The following NDUFA10 variants were observed in gnomAD, a reference collection of about 807,000 sequenced individuals.
NDUFA10 encodes NADH:ubiquinone oxidoreductase subunit A10, also known as NADH dehydrogenase [ubiquinone] 1 alpha subcomplex subunit 10, mitochondrial.
Under a neutral mutation model 47.8 loss-of-function variants are expected in NDUFA10, and 40 were observed. The ratio of observed to expected loss-of-function variants is 0.84; its 90% CI spans 0.65 to 1.09. NDUFA10 has a LOEUF of 1.09. NDUFA10 is among the 50% of genes least tolerant of loss of function. NDUFA10 has a pLI of 0.00. For synonymous variants in NDUFA10, 183 were observed against 172.2 expected (o/e 1.06, Z -0.49); for missense variants, 413 against 451.1 (o/e 0.92, Z 0.76).
In NDUFA10 at chr2:239,945,488, C is replaced by A. The variant is rs1694435132; in HGVS notation, c.294+44586G>T. ...GCGGACACCCCAACCGGAACGCAGG[C>A]TGCACCGCGAGGCTCCCTGCGCCCC... is the stretch of plus-strand genomic sequence containing the variant. On this transcript the variant is annotated intron_variant, in intron 4 of 5. Coordinates refer to the NDUFA10 transcript ENST00000419408. The surrounding 1 kb of genome is among the most constrained non-coding windows in gnomAD (Gnocchi z 4.6). Among the ~76,000 whole-genome samples the A allele has an allele frequency of 6.6e-6, 1 of 152,150 alleles. No homozygotes were observed. The highest frequency in any genetic ancestry group is 2.4e-5 in the African/African-American group (1 of 41,428).
chr2:239,937,857 G>C (rs565346203), intron 4 of NDUFA10, among the ~76,000 whole-genome samples: 2 of 152,282 alleles, frequency 1.3e-5, no homozygotes, highest in South Asian at 4.2e-4. Flanking sequence ...CAGCCATTCT[G>C]GTGGAAGCCC....
intron 9 of NDUFA10, among the ~76,000 whole-genome samples, chr2:239,977,139 C>G (rs1486751197): frequency 6.6e-6 from 1 of 152,154 alleles, no homozygotes; most frequent in Non-Finnish European, 1.5e-5. Flanking sequence ...TAAGGAAACA[C>G]AGACAAGAGA....
intron 4 of NDUFA10, among the ~76,000 whole-genome samples, chr2:240,015,344 A>G (rs1697305680): frequency 6.6e-6 from 1 of 152,264 alleles, no homozygotes; most frequent in Non-Finnish European, 1.5e-5. Flanking sequence ...TACTTGCAGT[A>G]TATATGTTGC....
At chr2:239,946,397 G>C (rs1694453069) in intron 4 of NDUFA10, among the ~76,000 whole-genome samples, 2 of 152,222 alleles carry the variant, frequency 1.3e-5, no homozygotes, top group Admixed American at 1.3e-4. Flanking sequence ...TGTGGAATTA[G>C]CTCGTTAACC....
intron 4 of NDUFA10, among the ~76,000 whole-genome samples, chr2:239,910,708 C>T (rs28429725): frequency 0.04 from 6,065 of 151,970 alleles, 412 homozygotes; most frequent in African/African-American, 0.14. Context: ...CCTGTACCCC[C>T]GAACTCAAAA....
rs10804403 is a variant in NDUFA10, at chr2:239,904,372, A to G, written c.295-9058T>C. On this transcript the variant is annotated intron_variant, in intron 4 of 5. Coordinates refer to the NDUFA10 transcript ENST00000419408. ...GAGTATAGTGGTGTGATTCTGGCTCACTGCAACCTCTGCCTCCTGGGTTCA... is the reference window on the plus strand; with the variant it reads ...GAGTATAGTGGTGTGATTCTGGCTCGCTGCAACCTCTGCCTCCTGGGTTCA... 3.9e-5 allele frequency among the ~76,000 whole-genome samples: 6 copies of G among 152,018 alleles called. No homozygotes were observed. The East Asian group carries it at 1.2e-3, about 29-fold the overall frequency.
intron 1 of NDUFA10, among the ~76,000 whole-genome samples, chr2:240,024,519 A>G (rs544649537): frequency 2.0e-5 from 3 of 152,392 alleles, no homozygotes; most frequent in Admixed American, 1.3e-4. Context: ...GCTACTCTGT[A>G]CGAACCTATA....
Position 239,960,570 on chromosome 2 carries a change from C to T in NDUFA10, c.*548G>A. 1 of 1,000,472 alleles carries T rather than the reference C, an allele frequency of 1.0e-6. No homozygotes were observed. The highest frequency in any genetic ancestry group is 4.3e-5 in the South Asian group (1 of 23,248). 62.0% of individuals were successfully genotyped at this position (1,000,472 alleles called of 1,614,324 possible). On this transcript the variant is annotated 3_prime_UTR_variant, in exon 10 of 10. Coordinates refer to ENST00000252711, the MANE Select transcript of NDUFA10 (RefSeq NM_004544.4). ...CTTCTTCACGTTCTTATTTTTTCTA[C>T]TCTAATGTAGCACATTACTAAAATA...
At position 240,025,275 on chromosome 2, in the gene NDUFA10, T is replaced by C; in HGVS notation, c.27A>G (p.Ala9=). The change falls in exon 1 of 10, where the codon GCA becomes GCG. Residue 9 remains alanine, a synonymous_variant. Coordinates refer to ENST00000252711, the MANE Select transcript of NDUFA10 (RefSeq NM_004544.4). MALRLLKL[A]ATSASARVVA... ...CGACCCGGGCGGACGCGGACGTCGC[T>C]GCCAGCTTCAGGAGCCGCAAGGCCA... The C allele has an allele frequency of 1.3e-6, 2 of 1,497,590 alleles. No individual in the cohort carries two copies. Among genetic ancestry groups the C allele is most frequent in the African/African-American group, 2.9e-5 (2 of 68,388 alleles). The allele number at this position is 1,497,590 out of a possible 1,614,324, so 92.8% of individuals were successfully genotyped here. A position where few individuals can be genotyped will look rare whatever the true frequency, so the allele number is the denominator to read the frequency against.
At chr2:239,913,385 G>A (rs1447972211) in intron 4 of NDUFA10, among the ~76,000 whole-genome samples, 4 of 152,222 alleles carry the variant, frequency 2.6e-5, no homozygotes, top group African/African-American at 9.6e-5. Context: ...AGGACATGAC[G>A]GGTCCTACAG....
At chr2:240,004,771 C>T (rs1696881606) in intron 8 of NDUFA10, among the ~76,000 whole-genome samples, 2 of 152,242 alleles carry the variant, frequency 1.3e-5, no homozygotes, top group South Asian at 4.1e-4. Context: ...CCCACAGGAC[C>T]CAATCCTGGC....
chr2:239,960,584 A>G lies in NDUFA10; in HGVS notation c.*534T>C. On this transcript the variant is annotated 3_prime_UTR_variant, in exon 10 of 10. Coordinates refer to ENST00000252711, the MANE Select transcript of NDUFA10 (RefSeq NM_004544.4). ...TATTTTTTCTACTCTAATGTAGCAC[A>G]TTACTAAAATAAATACAGTAGGCCT... 2 of 1,009,940 alleles carry G rather than the reference A, an allele frequency of 2.0e-6. No individual in the cohort carries two copies. The highest frequency in any genetic ancestry group is 2.4e-6 in the Non-Finnish European group (2 of 842,286). The allele number at this position is 1,009,940 out of a possible 1,614,324, so 62.6% of individuals were successfully genotyped here.
intron 4 of NDUFA10, among the ~76,000 whole-genome samples, chr2:239,937,802 T>G (rs1308637633): frequency 6.6e-6 from 1 of 152,198 alleles, no homozygotes; most frequent in Non-Finnish European, 1.5e-5. Context: ...GGTTCCAGTT[T>G]CTCCACATCC....
At chr2:239,932,652 T>C (rs942138387) in intron 4 of NDUFA10, among the ~76,000 whole-genome samples, 3 of 151,950 alleles carry the variant, frequency 2.0e-5, no homozygotes, top group Non-Finnish European at 4.4e-5. Flanking sequence ...GGATCTCGGC[T>C]CACTGTAAGC....
intron 4 of NDUFA10, among the ~76,000 whole-genome samples, chr2:239,912,338 C>T (rs1369126420): frequency 2.0e-5 from 3 of 152,140 alleles, no homozygotes; most frequent in South Asian, 2.1e-4. Context: ...TTCGTGGGGC[C>T]GAGCTGCAGC....
At position 240,025,315 on chromosome 2, in the gene NDUFA10, G is replaced by A; in HGVS notation, c.-14C>T. The A allele has an allele frequency of 6.7e-7, 1 of 1,498,604 alleles. No homozygotes were observed. The highest frequency in any genetic ancestry group is 1.3e-5 in the South Asian group (1 of 79,330). 92.8% of individuals were successfully genotyped at this position (1,498,604 alleles called of 1,614,324 possible). On this transcript the variant is annotated 5_prime_UTR_variant, in exon 1 of 10. Coordinates refer to ENST00000252711, the MANE Select transcript of NDUFA10 (RefSeq NM_004544.4). Reference sequence around the variant, plus strand: ...CCGCAAGGCCATGGCTACCCGGTCAGCTCAGGATCAAGGACCCAAGGGGAC... The same window carrying A: ...CCGCAAGGCCATGGCTACCCGGTCAACTCAGGATCAAGGACCCAAGGGGAC...
intron 2 of NDUFA10, 42 bp from the exon 3 acceptor site, chr2:240,021,454 T>C: frequency 6.4e-7 from 1 of 1,570,332 alleles, no homozygotes; most frequent in Non-Finnish European, 8.7e-7. Flanking sequence ...TGCACATCAC[T>C]CACTCCCCGC....
chr2:239,972,335 G>T (rs1695337488), intron 9 of NDUFA10, among the ~76,000 whole-genome samples: 1 of 152,058 alleles, frequency 6.6e-6, no homozygotes, highest in African/African-American at 2.4e-5. Flanking sequence ...CACTCTGCTG[G>T]GGCAAGCAAT....
chr2:239,994,373 A>G (rs569457979), intron 8 of NDUFA10, among the ~76,000 whole-genome samples: 7 of 151,936 alleles, frequency 4.6e-5, no homozygotes, highest in Admixed American at 3.3e-4. Flanking sequence ...CACAAACCCT[A>G]TTGTGAACTG....
Sources: gnomAD v4.1 joint callset for allele counts (sites outside exome capture counted in the v4.1 genomes callset) on GRCh38, gnomAD v4.1.1 for gene constraint, Gnocchi (gnomAD v3.1) non-coding constraint, MANE v1.5 for transcripts, NCBI Gene and HGNC (gene_info 2026-07-23, HGNC 2026-07-21) for gene names.